The following CHAF1A variants were observed in gnomAD, a reference collection of about 807,000 sequenced individuals.
CHAF1A encodes the protein chromatin assembly factor 1 subunit A.
A neutral mutation model predicts 93.2 loss-of-function variants in CHAF1A; 5 were observed. That is an observed-to-expected ratio of 0.05 (90% confidence interval 0.03 to 0.11). CHAF1A has a LOEUF of 0.11. Ranked by LOEUF, CHAF1A falls within the 10% of genes least tolerant of loss-of-function variation. CHAF1A has a pLI of 1.00. For synonymous variants in CHAF1A, 504 were observed against 510.3 expected (o/e 0.99, Z 0.17); for missense variants, 1,102 against 1,259.9 (o/e 0.87, Z 1.90).
intron 1 of CHAF1A, among the ~76,000 whole-genome samples, chr19:4,405,582 TG>T (rs1973665539): frequency 6.7e-6 from 1 of 149,166 alleles, no homozygotes; most frequent in African/African-American, 2.5e-5. Context: ...CACTCCAGCC[TG>T]GGCGACAGAG....
chr19:4,437,698 G>A (rs1974310316), intron 13 of CHAF1A, among the ~76,000 whole-genome samples: 1 of 151,630 alleles, frequency 6.6e-6, no homozygotes, highest in South Asian at 2.1e-4. Flanking sequence ...TTTTTTACTC[G>A]GTTACACTTT....
At chr19:4,429,936 C>T in intron 10 of CHAF1A, 148 bp downstream of exon 10, 1 of 667,370 alleles carries the variant, frequency 1.5e-6, no homozygotes, top group Non-Finnish European at 2.6e-6. Context: ...CCTGAACGCA[C>T]CTCAACATCC....
At position 4,402,748 on chromosome 19, in the gene CHAF1A, G is replaced by A; in HGVS notation, c.-15G>A. 1.7e-6 allele frequency: 2 copies of A among 1,201,850 alleles called. No individual in the cohort carries two copies. Among genetic ancestry groups the A allele is most frequent in the Non-Finnish European group, 2.1e-6 (2 of 968,442 alleles). The allele number at this position is 1,201,850 out of a possible 1,614,324, so 74.4% of individuals were successfully genotyped here. On this transcript the variant is annotated 5_prime_UTR_variant, in exon 1 of 15. Coordinates refer to ENST00000301280, the MANE Select transcript of CHAF1A (RefSeq NM_005483.3). ...CCTCCGCCGCCTGAGAGGAGGTCGA[G>A]CTGCCGCCGGGGCGATGCTGGAGGA... is the stretch of plus-strand genomic sequence containing the variant.
At chr19:4,413,839 C>T (rs1021979191) in intron 3 of CHAF1A, among the ~76,000 whole-genome samples, 6 of 152,156 alleles carry the variant, frequency 3.9e-5, no homozygotes, top group African/African-American at 1.4e-4. Flanking sequence ...AAAAGATCCC[C>T]CTTTAGATAC....
chr19:4,409,586 A>C lies in CHAF1A; in HGVS notation c.787A>C (p.Lys263Gln). 1 of 1,614,118 alleles carries C rather than the reference A, an allele frequency of 6.2e-7. No individual in the cohort carries two copies. Among genetic ancestry groups the C allele is most frequent in the Non-Finnish European group, 8.5e-7 (1 of 1,180,002 alleles). ...IKSLPATPQG[K>Q]NMTPESEVLE... Reference sequence around the variant, plus strand: ...GTCCCTTCCAGCCACACCCCAAGGCAAGAACATGACCCCTGAGAGTGAGGT... The same window carrying C: ...GTCCCTTCCAGCCACACCCCAAGGCCAGAACATGACCCCTGAGAGTGAGGT... Residue 263 changes from lysine (K) to glutamine (Q), a missense_variant, in exon 3 of 15, where the codon AAG (lysine) becomes CAG (glutamine). Around this residue, in one of 6 missense-constraint regions of CHAF1A, gnomAD observed 379 missense variants for 365.7 expected, o/e 1.04. Transcript: ENST00000301280.
intron 7 of CHAF1A, among the ~76,000 whole-genome samples, chr19:4,425,405 A>G (rs1974063930): frequency 6.6e-6 from 1 of 151,856 alleles, no homozygotes; most frequent in Non-Finnish European, 1.5e-5. Context: ...GGTGCCTGCC[A>G]CCACTCCCAG....
At chr19:4,405,257 A>G (rs1318744031) in intron 1 of CHAF1A, among the ~76,000 whole-genome samples, 4 of 152,228 alleles carry the variant, frequency 2.6e-5, no homozygotes, top group Admixed American at 2.0e-4. Flanking sequence ...AATAAACACG[A>G]AAGTTTCAGA....
rs866627235 is a variant in CHAF1A at position 4,405,540 on chromosome 19, G to A, written c.53-372G>A. On this transcript the variant is annotated intron_variant, in intron 1 of 14. Coordinates refer to ENST00000301280, the MANE Select transcript of CHAF1A (RefSeq NM_005483.3). Reference sequence around the variant, plus strand: ...GGAGAATCGCTTGAACCCAGGAGGCGGAGGTTGCAGTGAGCTGAGACTGTG... The same window carrying A: ...GGAGAATCGCTTGAACCCAGGAGGCAGAGGTTGCAGTGAGCTGAGACTGTG... Among the ~76,000 whole-genome samples the A allele has an allele frequency of 2.6e-5, 4 of 151,942 alleles. No individual in the cohort carries two copies. The South Asian group carries it at 6.3e-4, about 24-fold the overall frequency.
chr19:4,403,973 C>T (rs180911095), intron 1 of CHAF1A, among the ~76,000 whole-genome samples: 260 of 152,306 alleles, frequency 1.7e-3, no homozygotes, highest in African/African-American at 6.1e-3. Flanking sequence ...GCCTGCACCA[C>T]CATGCCTGGC....
intron 7 of CHAF1A, 132 bp from the exon 8 acceptor site, chr19:4,428,532 A>G: frequency 1.3e-6 from 1 of 751,996 alleles, no homozygotes. Flanking sequence ...GGACCCACAC[A>G]GTGCCTGGGC....
At chr19:4,410,640 CA>C (rs1973778659) in intron 3 of CHAF1A, among the ~76,000 whole-genome samples, 1 of 152,210 alleles carries the variant, frequency 6.6e-6, no homozygotes, top group East Asian at 1.9e-4. Flanking sequence ...CTTGGCCTCC[CA>C]AAGTGCTGGA....
rs377387165 is a variant in CHAF1A, at chr19:4,412,098, C to T, written c.960+2339C>T. 1.5e-4 allele frequency among the ~76,000 whole-genome samples: 23 copies of T among 152,338 alleles called. No individual in the cohort carries two copies. The East Asian group carries it at 4.1e-3, about 27-fold the overall frequency. On this transcript the variant is annotated intron_variant, in intron 3 of 14. Transcript: ENST00000301280. ...CCAGACTGGCATGTACACATTTCAG[C>T]TTCTACCTAATCCACCACTCAATCT...
At position 4,409,243 on chromosome 19, in the gene CHAF1A, T is replaced by A; in HGVS notation, c.444T>A (p.Asn148Lys). The change falls in exon 3 of 15, where the codon AAT (asparagine) becomes AAA (lysine). Residue 148 changes from asparagine (N) to lysine (K), a missense_variant. Transcript: ENST00000301280. ...SEASPSREAI[N>K]GQREDTGDQQ... The stretch of plus-strand genomic sequence containing the variant: ...CCTCTCCCTCCAGGGAGGCAATAAA[T>A]GGCCAGCGAGAAGACACTGGGGATC... 1 of 1,614,104 alleles carries A rather than the reference T, an allele frequency of 6.2e-7. No homozygotes were observed. Among genetic ancestry groups the A allele is most frequent in the Non-Finnish European group, 8.5e-7 (1 of 1,180,014 alleles).
intron 2 of CHAF1A, among the ~76,000 whole-genome samples, chr19:4,408,577 G>A (rs1406748359): frequency 7.7e-5 from 11 of 143,504 alleles, no homozygotes; most frequent in African/African-American, 2.4e-4. Context: ...AGGTTCAAGC[G>A]ATTCTCCTAC....
intron 8 of CHAF1A, 182 bp downstream of exon 8, chr19:4,429,072 A>C: frequency 3.3e-6 from 2 of 604,526 alleles, no homozygotes; most frequent in Middle Eastern, 4.2e-4. Flanking sequence ...TAAGCTCCTG[A>C]AGTCTTCCTC....
At chr19:4,405,763 A>C in intron 1 of CHAF1A, 149 bp from the exon 2 acceptor site, 1 of 637,222 alleles carries the variant, frequency 1.6e-6, no homozygotes, top group Non-Finnish European at 2.8e-6. Flanking sequence ...ATGACAACCA[A>C]AAACATCTCT....
downstream of CHAF1A, chr19:4,445,230 A>G (rs2145164525): frequency 2.2e-6 from 1 of 448,442 alleles, no homozygotes; most frequent in Non-Finnish European, 4.1e-6. Context: ...GCTTCATGAC[A>G]CAGTTACCAA....
chr19:4,431,629 A>G (rs902609560), intron 11 of CHAF1A, among the ~76,000 whole-genome samples: 1 of 152,064 alleles, frequency 6.6e-6, no homozygotes, highest in African/African-American at 2.4e-5. Context: ...TGCCTGGGCC[A>G]TGTGGGTAGA....
At chr19:4,431,501 TTGGTGGGACTGTCTCA>T (rs1196960848) in intron 11 of CHAF1A, among the ~76,000 whole-genome samples, 5 of 152,154 alleles carry the variant, frequency 3.3e-5, no homozygotes, top group African/African-American at 9.6e-5. Context: ...AAGTGGGGAT[TTGGTGGGACTGTCTCA>T]TGGTTGGACT....
Sources: gnomAD v4.1 joint callset for allele counts (sites outside exome capture counted in the v4.1 genomes callset) on GRCh38, gnomAD v4.1.1 for gene constraint, gnomAD v4.1.1 regional missense constraint, MANE v1.5 for transcripts, NCBI Gene and HGNC (gene_info 2026-07-23, HGNC 2026-07-21) for gene names.